The following ZNF385D variants were observed in gnomAD, a reference collection of about 807,000 sequenced individuals.
ZNF385D encodes zinc finger protein 659.
ZNF385D carries 15 observed loss-of-function variants against 35.8 expected under a neutral mutation model. That is an observed-to-expected ratio of 0.42 (90% CI 0.28 to 0.64). The LOEUF (loss-of-function observed/expected upper bound fraction) is 0.64, where lower values mean the gene tolerates loss of function less well. Among genes scored for constraint, ZNF385D ranks in the 30% least tolerant of loss-of-function variants. ZNF385D has a pLI of 0.23. For synonymous variants in ZNF385D, 212 were observed against 186.8 expected, an observed-to-expected ratio of 1.13 and a Z score of -1.10; for missense variants, 474 against 494.6, an observed-to-expected ratio of 0.96 and a Z score of 0.39.
At chr3:22,121,655 G>C (rs1703093233) in intron 3 of ZNF385D, among the ~76,000 whole-genome samples, 1 of 149,416 alleles carries the variant, frequency 6.7e-6, no homozygotes, top group Admixed American at 6.8e-5. Flanking sequence ...CTTAGGGGAA[G>C]TTGTTGAATG....
intron 3 of ZNF385D, among the ~76,000 whole-genome samples, chr3:22,050,251 A>G (rs1487988781): frequency 6.6e-6 from 1 of 151,676 alleles, no homozygotes; most frequent in Non-Finnish European, 1.5e-5. Flanking sequence ...AGCCCCAGCT[A>G]CTCAGGAGGC....
intron 2 of ZNF385D, among the ~76,000 whole-genome samples, chr3:21,567,382 A>ATCTT (rs903786138): frequency 3.9e-5 from 6 of 152,030 alleles, no homozygotes; most frequent in African/African-American, 9.7e-5. Context: ...ACCTTCCTCA[A>ATCTT]TCTTTTATTA....
At chr3:22,248,322 T>C (rs1474878858) in intron 2 of ZNF385D, among the ~76,000 whole-genome samples, 1 of 152,172 alleles carries the variant, frequency 6.6e-6, no homozygotes, top group East Asian at 1.9e-4. Flanking sequence ...CTTGATGAAA[T>C]TGAACTTTCC....
At chr3:21,817,880 T>C (rs182419863) in intron 3 of ZNF385D, among the ~76,000 whole-genome samples, 170 of 152,242 alleles carry the variant, frequency 1.1e-3, no homozygotes, top group African/African-American at 3.7e-3. Context: ...CATGCACAGG[T>C]ATGTTTATTG....
chr3:22,168,102 T>A (rs1706453837), intron 3 of ZNF385D, among the ~76,000 whole-genome samples: 1 of 152,200 alleles, frequency 6.6e-6, no homozygotes, highest in Admixed American at 6.5e-5. Flanking sequence ...GAATTATATT[T>A]ATCAAACATG....
Position 21,732,044 on chromosome 3 carries a change from T to G in ZNF385D, c.22+18851A>C, listed in dbSNP as rs1387667035. On this transcript the variant is annotated intron_variant, in intron 1 of 7. Coordinates refer to ENST00000281523, the MANE Select transcript of ZNF385D (RefSeq NM_024697.3). ...CTTTTTTCGGGGTTTTTTTTTTTTT[T>G]TTTTTTTTTTTTTTTTTTTTTTTTT... is the stretch of plus-strand genomic sequence containing the variant. Among the ~76,000 whole-genome samples, 46 of 45,592 alleles carry G rather than the reference T, an allele frequency of 1.0e-3. 11 individuals carry two copies. The highest frequency in any genetic ancestry group is 9.3e-4 in the Non-Finnish European group (18 of 19,326). The allele number at this position is 45,592 out of a possible 152,430, so 29.9% of individuals were successfully genotyped here.
At chr3:22,078,421 G>T (rs535270997) in intron 3 of ZNF385D, among the ~76,000 whole-genome samples, 1 of 152,124 alleles carries the variant, frequency 6.6e-6, no homozygotes, top group East Asian at 1.9e-4. Context: ...CATCAAGTGT[G>T]AATGTGTCCT....
At chr3:21,968,529 G>GGAGAA (rs911770447) in intron 3 of ZNF385D, among the ~76,000 whole-genome samples, 2 of 151,978 alleles carry the variant, frequency 1.3e-5, no homozygotes, top group African/African-American at 4.8e-5. Flanking sequence ...GGAGAGGAGA[G>GGAGAA]GAGAGAGTAA....
chr3:22,105,307 CTTTT>C (rs71618882), intron 3 of ZNF385D, among the ~76,000 whole-genome samples: 2 of 143,876 alleles, frequency 1.4e-5, no homozygotes, highest in Non-Finnish European at 3.0e-5. Flanking sequence ...TGCATATTGC[CTTTT>C]TTTTTTCAGA....
chr3:22,154,829 T>C (rs116317518), intron 3 of ZNF385D, among the ~76,000 whole-genome samples: 2,109 of 152,298 alleles, frequency 0.014, 14 homozygotes, highest in Non-Finnish European at 0.023. Context: ...TTAAAATCTT[T>C]TAACTATTGG....
intron 3 of ZNF385D, among the ~76,000 whole-genome samples, chr3:22,104,473 T>A (rs886610851): frequency 1.3e-5 from 2 of 152,210 alleles, no homozygotes; most frequent in Non-Finnish European, 2.9e-5. Context: ...ATCCAGCTAT[T>A]TCTTCTATTT....
chr3:21,424,420 T>G (rs1390340452), intron 6 of ZNF385D, among the ~76,000 whole-genome samples: 1 of 143,816 alleles, frequency 7.0e-6, no homozygotes, highest in Non-Finnish European at 1.5e-5. Context: ...GTTCAAGCAA[T>G]TATCTGCCTC....
chr3:21,861,271 G>A (rs1345681827), intron 3 of ZNF385D, among the ~76,000 whole-genome samples: 2 of 152,076 alleles, frequency 1.3e-5, no homozygotes, highest in East Asian at 3.9e-4. Flanking sequence ...AATACAGTCT[G>A]CCACTATAAA....
At chr3:22,020,145 T>C (rs545194547) in intron 3 of ZNF385D, among the ~76,000 whole-genome samples, 7 of 151,964 alleles carry the variant, frequency 4.6e-5, no homozygotes, top group South Asian at 4.1e-4. Context: ...CTGGATACTA[T>C]TGTAACAATT....
At chr3:21,780,334 A>G (rs1055547155) in intron 3 of ZNF385D, among the ~76,000 whole-genome samples, 1 of 151,990 alleles carries the variant, frequency 6.6e-6, no homozygotes, top group African/African-American at 2.4e-5. Context: ...AGGGCATACT[A>G]TCATTGCAAC....
chr3:21,782,594 G>A (rs1005464119), intron 3 of ZNF385D, among the ~76,000 whole-genome samples: 11 of 151,946 alleles, frequency 7.2e-5, no homozygotes, highest in African/African-American at 1.7e-4. Flanking sequence ...TGCTATCTCC[G>A]TGCTTTGAAC....
chr3:21,858,641 C>G (rs907430640), intron 3 of ZNF385D, among the ~76,000 whole-genome samples: 1 of 152,038 alleles, frequency 6.6e-6, no homozygotes, highest in African/African-American at 2.4e-5. Context: ...TCTTGGACTT[C>G]CCAGCATTTA....
chr3:21,810,906 CAT>C (rs1226684981), intron 3 of ZNF385D, among the ~76,000 whole-genome samples: 6 of 150,670 alleles, frequency 4.0e-5, no homozygotes, highest in African/African-American at 1.5e-4. Context: ...TATATATGTA[CAT>C]ATATAATGAA....
chr3:22,209,033 T>C (rs977308935), intron 2 of ZNF385D, among the ~76,000 whole-genome samples: 4 of 151,874 alleles, frequency 2.6e-5, no homozygotes, highest in African/African-American at 9.7e-5. Flanking sequence ...CAGTCTTTGA[T>C]ATGGCCACCT....
Sources: allele counts gnomAD v4.1 joint callset (sites outside exome capture counted in the v4.1 genomes callset), GRCh38; gene constraint gnomAD v4.1.1; transcripts MANE v1.5; gene names NCBI Gene and HGNC (gene_info 2026-07-23, HGNC 2026-07-21).